Variants in ATRNL1 observed in about 807,000 individuals in gnomAD.
ATRNL1 encodes the protein attractin like 1.
Under a neutral mutation model 182.7 loss-of-function variants are expected in ATRNL1, and 95 were observed. That is an observed-to-expected ratio of 0.52 (90% confidence interval 0.44 to 0.62). ATRNL1 has a LOEUF of 0.62. Among genes scored for constraint, ATRNL1 ranks in the 20% least tolerant of loss-of-function variants. The pLI is 0.00. For missense variants in ATRNL1, 1,471 were observed against 1,679.5 expected (o/e 0.88, Z 2.17); for synonymous variants, 576 against 568.3 (o/e 1.01, Z -0.19).
chr10:115,710,571 C>T (rs1284719921), intron 26 of ATRNL1, among the ~76,000 whole-genome samples: 1 of 152,038 alleles, frequency 6.6e-6, no homozygotes, highest in Non-Finnish European at 1.5e-5. Context: ...TTGCTAATAG[C>T]TTTAACTTTG....
chr10:115,463,161 T>C (rs1473962047), intron 22 of ATRNL1, among the ~76,000 whole-genome samples: 1 of 151,934 alleles, frequency 6.6e-6, no homozygotes, highest in East Asian at 1.9e-4. Flanking sequence ...TTCTTTCCTT[T>C]TAACGTAGTT....
At chr10:115,312,571 T>A (rs1429349928) in intron 17 of ATRNL1, among the ~76,000 whole-genome samples, 1 of 152,114 alleles carries the variant, frequency 6.6e-6, no homozygotes, top group Non-Finnish European at 1.5e-5. Context: ...GAGAGAATGA[T>A]GACTATATAC....
In ATRNL1 at chr10:115,944,810, C is replaced by T; in HGVS notation, c.*31C>T. 6.2e-7 allele frequency: 1 copy of T among 1,601,760 alleles called. No homozygotes were observed. The highest frequency in any genetic ancestry group is 8.5e-7 in the Non-Finnish European group (1 of 1,174,032). The stretch of plus-strand genomic sequence containing the variant: ...GGAAACCGCTCCTGTATATTCTGTA[C>T]TGTTTTACTTCGGGCTTCTGTTAAA... On this transcript the variant is annotated 3_prime_UTR_variant, in exon 29 of 29. Transcript: ENST00000355044.
rs782726009 is a variant in ATRNL1, at chr10:115,265,287, G to A, written c.1772+10G>A. ...CAGTAGTCATTAACGGGTAAAAGAA[G>A]CACATTTCCAATTTTTAGAGGGTCA... On this transcript the variant is annotated intron_variant, in intron 11 of 28. Transcript: ENST00000355044. 5 of 1,562,148 alleles carry A rather than the reference G, an allele frequency of 3.2e-6. No homozygotes were observed. The South Asian group carries it at 4.7e-5, about 15-fold the overall frequency.
At chr10:115,340,335 G>A (rs1387593306) in intron 19 of ATRNL1, among the ~76,000 whole-genome samples, 2 of 152,004 alleles carry the variant, frequency 1.3e-5, no homozygotes, top group African/African-American at 2.4e-5. Flanking sequence ...TAGCGATGGA[G>A]TTTCACCATG....
intron 3 of ATRNL1, among the ~76,000 whole-genome samples, chr10:115,126,696 A>T (rs1323609530): frequency 6.6e-6 from 1 of 152,230 alleles, no homozygotes; most frequent in African/African-American, 2.4e-5. Flanking sequence ...TATGATTTGA[A>T]TGGGGGAATT....
chr10:115,236,194 C>A (rs1294327023), intron 9 of ATRNL1, among the ~76,000 whole-genome samples: 1 of 152,092 alleles, frequency 6.6e-6, no homozygotes, highest in African/African-American at 2.4e-5. Flanking sequence ...CCTCAAGGAA[C>A]CTAGGTTCCT....
At chr10:115,591,377 C>T (rs1280766510) in intron 26 of ATRNL1, among the ~76,000 whole-genome samples, 3 of 151,972 alleles carry the variant, frequency 2.0e-5, no homozygotes, top group African/African-American at 7.3e-5. Context: ...CACATGTGGC[C>T]CTTCTGCCCT....
chr10:115,262,835 T>C (rs1851447562), intron 10 of ATRNL1, among the ~76,000 whole-genome samples: 1 of 151,964 alleles, frequency 6.6e-6, no homozygotes, highest in South Asian at 2.1e-4. Flanking sequence ...TTCATCAGAT[T>C]GGTAAAAATT....
Position 115,435,549 on chromosome 10 carries a change from T to C in ATRNL1, c.3322+9247T>C, listed in dbSNP as rs78262491. On this transcript the variant is annotated intron_variant, in intron 21 of 28. Transcript: ENST00000355044. The stretch of plus-strand genomic sequence containing the variant: ...TGTGGTATTTTGTGGTATTCTGTTA[T>C]AGCAGCACAAAACAGGCTAAGACAT... 8.3e-3 allele frequency among the ~76,000 whole-genome samples: 1,258 copies of C among 152,324 alleles called. 19 individuals are homozygous for C. Among genetic ancestry groups the C allele is most frequent in the African/African-American group, 0.027 (1,107 of 41,586 alleles).
chr10:115,555,402 T>C (rs1042180584), intron 26 of ATRNL1, among the ~76,000 whole-genome samples: 1 of 152,016 alleles, frequency 6.6e-6, no homozygotes. Context: ...TACTCATATA[T>C]AGACACTTAC....
chr10:115,552,351 G>A (rs1853042009), intron 26 of ATRNL1, among the ~76,000 whole-genome samples: 1 of 151,214 alleles, frequency 6.6e-6, no homozygotes, highest in African/African-American at 2.4e-5. Flanking sequence ...TTATGTGAAT[G>A]TTACTGTCTC....
At chr10:115,879,257 T>A (rs1254050989) in intron 28 of ATRNL1, among the ~76,000 whole-genome samples, 6 of 137,148 alleles carry the variant, frequency 4.4e-5, no homozygotes, top group African/African-American at 1.7e-4. Context: ...CAGTGAACCA[T>A]GATCGTGCCA....
intron 5 of ATRNL1, among the ~76,000 whole-genome samples, chr10:115,148,119 A>G (rs552724962): frequency 2.6e-5 from 4 of 151,910 alleles, no homozygotes; most frequent in African/African-American, 9.7e-5. Context: ...GTCCTCTTCA[A>G]TTTCTTTCTT....
At chr10:115,533,589 G>T (rs1554989190) in intron 25 of ATRNL1, among the ~76,000 whole-genome samples, 1 of 151,778 alleles carries the variant, frequency 6.6e-6, no homozygotes, top group Non-Finnish European at 1.5e-5. Context: ...GGGTTTTTTT[G>T]TGTCTCTATT....
At chr10:115,296,230 C>A (rs1554922534) in intron 15 of ATRNL1, among the ~76,000 whole-genome samples, 1 of 152,164 alleles carries the variant, frequency 6.6e-6, no homozygotes, top group African/African-American at 2.4e-5. Flanking sequence ...GAAGACAGGG[C>A]AAAGGCTGGG....
intron 28 of ATRNL1, among the ~76,000 whole-genome samples, chr10:115,931,656 A>G (rs1953398014): frequency 6.6e-6 from 1 of 152,226 alleles, no homozygotes; most frequent in Non-Finnish European, 1.5e-5. Flanking sequence ...TACTGAAAGT[A>G]AGTAGACAGC....
At chr10:115,211,476 T>C (rs1554894978) in intron 8 of ATRNL1, among the ~76,000 whole-genome samples, 1 of 151,948 alleles carries the variant, frequency 6.6e-6, no homozygotes, top group African/African-American at 2.4e-5. Context: ...TTTTTCCTTG[T>C]CTTTAGTTTT....
chr10:115,536,141 C>G (rs111286434), intron 25 of ATRNL1, among the ~76,000 whole-genome samples: 1 of 152,246 alleles, frequency 6.6e-6, no homozygotes, highest in African/African-American at 2.4e-5. Context: ...CTCTTCGAAG[C>G]TGTCAGACAG....
Sources: allele counts gnomAD v4.1 joint callset (sites outside exome capture counted in the v4.1 genomes callset), GRCh38; gene constraint gnomAD v4.1.1; transcripts MANE v1.5; gene names NCBI Gene and HGNC (gene_info 2026-07-23, HGNC 2026-07-21).